GKAP1: variants seen among roughly 807,000 people sequenced by gnomAD.
The protein encoded by GKAP1 is G kinase-anchoring protein 1.
GKAP1 carries 31 observed loss-of-function variants against 56.7 expected under a neutral mutation model. That is an observed-to-expected ratio of 0.55 (90% CI 0.41 to 0.74). GKAP1 has a LOEUF of 0.74. Among genes scored for constraint, GKAP1 ranks in the 30% least tolerant of loss-of-function variants. The pLI, the probability that GKAP1 is intolerant of heterozygous loss-of-function variation, is 0.00. For missense variants in GKAP1, 364 were observed against 402.3 expected (o/e 0.90, Z 0.82); for synonymous variants, 151 against 138.6 (o/e 1.09, Z -0.63).
At chr9:83,788,495 T>C (rs1944101461) in intron 5 of GKAP1, 106 bp downstream of exon 5, 2 of 606,156 alleles carry the variant, frequency 3.3e-6, no homozygotes, top group African/African-American at 3.7e-5. Flanking sequence ...AATGAATTTT[T>C]GGACAAACTT....
rs11140238 is a variant in GKAP1 at position 83,759,815 on chromosome 9, T to C, written c.739-6456A>G. 7.9e-3 allele frequency among the ~76,000 whole-genome samples: 1,210 copies of C among 152,318 alleles called. 29 individuals carry two copies. Among genetic ancestry groups the C allele is most frequent in the East Asian group, 0.036 (189 of 5,186 alleles). On this transcript the variant is annotated intron_variant, in intron 8 of 12. Transcript: ENST00000376371. ...TAGTCTTTACCTTCCTTCGGTTTTT[T>C]CCTAGGCACTGCAGTGAAATTAATA...
At chr9:83,770,645 C>T (rs925324545) in intron 7 of GKAP1, among the ~76,000 whole-genome samples, 2 of 152,096 alleles carry the variant, frequency 1.3e-5, no homozygotes, top group Non-Finnish European at 2.9e-5. Flanking sequence ...CAACCTCTTC[C>T]TCCCAGGCCA....
At chr9:83,766,989 C>T (rs755594918) in intron 8 of GKAP1, among the ~76,000 whole-genome samples, 2 of 152,134 alleles carry the variant, frequency 1.3e-5, no homozygotes, top group Non-Finnish European at 2.9e-5. Context: ...GAAATTACTA[C>T]AAGTTTCAAG....
intron 11 of GKAP1, 108 bp from the exon 12 acceptor site, chr9:83,742,137 A>G (rs1263604865): frequency 1.4e-6 from 1 of 691,292 alleles, no homozygotes; most frequent in Admixed American, 2.9e-5. Context: ...TGGATGAGTA[A>G]CAGAGAAGCT....
At position 83,817,124 on chromosome 9, in the gene GKAP1, A is replaced by G. The variant is rs2131338179; in HGVS notation, c.-172T>C. 1 of 152,316 alleles carries G rather than the reference A, an allele frequency of 6.6e-6. No homozygotes were observed. Among genetic ancestry groups the G allele is most frequent in the Non-Finnish European group, 1.5e-5 (1 of 68,018 alleles). 9.4% of individuals were successfully genotyped at this position (152,316 alleles called of 1,614,324 possible). ...TAACTCGGGCAGAGAAGCGGCTTCA[A>G]AACCTGAAAGGGAGAAAACGAGTCA... On this transcript the variant is annotated 5_prime_UTR_variant, in exon 2 of 13. Transcript: ENST00000376371.
intron 4 of GKAP1, chr9:83,792,895 GAA>G (rs1471206077): frequency 1.2e-5 from 6 of 480,626 alleles, no homozygotes; most frequent in Non-Finnish European, 1.7e-5. Context: ...AGGAAAGGAA[GAA>G]AAAGAGGAAA....
At chr9:83,774,665 G>A (rs957660226) in intron 7 of GKAP1, among the ~76,000 whole-genome samples, 50 of 147,200 alleles carry the variant, frequency 3.4e-4, no homozygotes, top group African/African-American at 1.1e-3. Flanking sequence ...GAAAAGCTTC[G>A]GCACAGCAAA....
chr9:83,779,553 A>ATATGTGTATATATATACACGTG (rs1943931176), intron 7 of GKAP1, among the ~76,000 whole-genome samples: 3 of 27,678 alleles, frequency 1.1e-4, no homozygotes, highest in Non-Finnish European at 2.9e-4. Context: ...ATACACGTGT[A>ATATGTGTATATATATACACGTG]TATGTGTATA....
In GKAP1 at chr9:83,788,609, G is replaced by T. The variant is rs1292037512; in HGVS notation, c.430C>A (p.His144Asn). ...AGTAAGTATGTAAATACCTTTTTGT[G>T]CTCTTCATATTCTAGTTTACTTAGT... ...LLLSKLEYEE[H>N]KKEYEDAENT... Residue 144 changes from histidine (H) to asparagine (N), a missense_variant, in exon 5 of 13, where the codon CAC becomes AAC. Physicochemically the swap from His to Asn is moderately conservative, Grantham distance 68 (BLOSUM62 1). Transcript: ENST00000376371. The T allele has an allele frequency of 6.4e-7, 1 of 1,561,074 alleles. No homozygotes were observed. The highest frequency in any genetic ancestry group is 1.4e-5 in the African/African-American group (1 of 73,710).
chr9:83,800,059 A>G (rs1305821836), intron 3 of GKAP1, among the ~76,000 whole-genome samples: 1 of 152,200 alleles, frequency 6.6e-6, no homozygotes, highest in Non-Finnish European at 1.5e-5. Context: ...AGCAACTCTG[A>G]CAACTACTTT....
At chr9:83,769,351 C>T (rs1237857360) in intron 7 of GKAP1, among the ~76,000 whole-genome samples, 2 of 152,110 alleles carry the variant, frequency 1.3e-5, no homozygotes, top group African/African-American at 4.8e-5. Context: ...ATTCCATCAC[C>T]CCAAAAAGAA....
intron 8 of GKAP1, among the ~76,000 whole-genome samples, chr9:83,761,740 G>C (rs1287686941): frequency 2.0e-5 from 3 of 152,110 alleles, no homozygotes; most frequent in Admixed American, 2.0e-4. Context: ...GGAATGCAAG[G>C]CTGGTTCAAC....
In GKAP1 at chr9:83,747,136, T is replaced by C. The variant is rs1587687983; in HGVS notation, c.904+1173A>G. The stretch of plus-strand genomic sequence containing the variant: ...TTTCTTTTGTGGTTTATAATTTCCT[T>C]TGCCTAAGTCTCATACTAAAAAATT... On this transcript the variant is annotated intron_variant, in intron 10 of 12. Coordinates refer to ENST00000376371, the MANE Select transcript of GKAP1 (RefSeq NM_025211.4). Among the ~76,000 whole-genome samples the C allele has an allele frequency of 3.9e-5, 6 of 152,328 alleles. 1 individual carries two copies. The highest frequency in any genetic ancestry group is 3.9e-4 in the Admixed American group (6 of 15,298).
chr9:83,803,515 G>A (rs986426499), intron 3 of GKAP1, among the ~76,000 whole-genome samples: 5 of 152,182 alleles, frequency 3.3e-5, no homozygotes, highest in Admixed American at 1.3e-4. Flanking sequence ...TCGGCCTCCC[G>A]AGGTGCCGGG....
At chr9:83,755,426 A>G (rs1943457775) in intron 8 of GKAP1, among the ~76,000 whole-genome samples, 1 of 152,192 alleles carries the variant, frequency 6.6e-6, no homozygotes, top group Non-Finnish European at 1.5e-5. Flanking sequence ...GGTTTATCAA[A>G]GATTTTGCTT....
At chr9:83,764,054 G>C (rs573124775) in intron 8 of GKAP1, among the ~76,000 whole-genome samples, 49 of 152,176 alleles carry the variant, frequency 3.2e-4, no homozygotes, top group Admixed American at 2.1e-3. Context: ...ATCTCAGGTG[G>C]CTTTAAAAAA....
At chr9:83,778,875 CA>C (rs1943905691) in intron 7 of GKAP1, among the ~76,000 whole-genome samples, 1 of 101,598 alleles carries the variant, frequency 9.8e-6, no homozygotes, top group South Asian at 2.9e-4. Context: ...AGACAGAACA[CA>C]GCTCTAAAAT....
intron 5 of GKAP1, among the ~76,000 whole-genome samples, chr9:83,787,897 T>C (rs530055453): frequency 6.6e-6 from 1 of 152,230 alleles, no homozygotes; most frequent in South Asian, 2.1e-4. Context: ...AGTGCAACTC[T>C]GGCAGAGGGT....
intron 8 of GKAP1, among the ~76,000 whole-genome samples, chr9:83,761,091 T>C (rs903457839): frequency 6.7e-6 from 1 of 148,706 alleles, no homozygotes; most frequent in Non-Finnish European, 1.5e-5. Context: ...AATCCAAAAG[T>C]TGATTTTTTG....
Sources: gnomAD v4.1 joint callset for allele counts (sites outside exome capture counted in the v4.1 genomes callset) on GRCh38, gnomAD v4.1.1 for gene constraint, MANE v1.5 for transcripts, NCBI Gene and HGNC (gene_info 2026-07-23, HGNC 2026-07-21) for gene names.